The following TRIQK variants were observed in gnomAD, a reference collection of about 807,000 sequenced individuals.
TRIQK encodes the protein triple QxxK/R motif containing, also known as triple QxxK/R motif-containing protein.
A neutral mutation model predicts 10.8 loss-of-function variants in TRIQK; 10 were observed. That is an observed-to-expected ratio of 0.92 (90% CI 0.57 to 1.57). The LOEUF (loss-of-function observed/expected upper bound fraction) is 1.57. TRIQK is among the 40% of genes most tolerant of loss of function. TRIQK has a pLI of 0.00. For missense variants in TRIQK, 107 were observed against 97.7 expected (o/e 1.09, Z -0.40); for synonymous variants, 33 against 33.7 (o/e 0.98, Z 0.07).
At chr8:92,956,779 G>A (rs1812193785) in intron 1 of TRIQK, among the ~76,000 whole-genome samples, 1 of 151,664 alleles carries the variant, frequency 6.6e-6, no homozygotes, top group Non-Finnish European at 1.5e-5. Flanking sequence ...TTTCAAGTCT[G>A]TTTTTTGTCT....
chr8:92,940,675 T>C (rs1335285778), intron 2 of TRIQK, among the ~76,000 whole-genome samples: 1 of 152,128 alleles, frequency 6.6e-6, no homozygotes, highest in Admixed American at 6.6e-5. Flanking sequence ...AACACAATAA[T>C]AGCACAGGAC....
rs117793919 is a variant in TRIQK, at chr8:92,904,019, A to G, written c.62-11945T>C. ...AAGATTTCATTTGAGCCTATACTCA[A>G]ATGAAGTTAGCAAAGAAGCCATGTG... On this transcript the variant is annotated intron_variant, in intron 3 of 4. Transcript: ENST00000521988. Among the ~76,000 whole-genome samples the G allele has an allele frequency of 4.1e-3, 620 of 152,246 alleles. 3 individuals carry two copies. Among genetic ancestry groups the G allele is most frequent in the Middle Eastern group, 0.01 (3 of 292 alleles).
At chr8:92,972,806 G>T (rs1812888418) in intron 1 of TRIQK, 1 of 152,270 alleles carries the variant, frequency 6.6e-6, no homozygotes, top group Admixed American at 6.5e-5. Context: ...CACGGTATGA[G>T]AACTGTACAG....
intron 3 of TRIQK, among the ~76,000 whole-genome samples, chr8:92,906,688 G>C (rs186419974): frequency 3.5e-5 from 5 of 141,278 alleles, no homozygotes; most frequent in African/African-American, 1.3e-4. Flanking sequence ...AGAATAAAGG[G>C]AAGACTGCTA....
chr8:92,961,040 T>C (rs1367346141), intron 1 of TRIQK, among the ~76,000 whole-genome samples: 6 of 152,206 alleles, frequency 3.9e-5, no homozygotes, highest in East Asian at 1.9e-4. Context: ...CTTGAATGTG[T>C]TGGACGGCAA....
At chr8:92,956,450 T>G (rs1295180876) in intron 1 of TRIQK, among the ~76,000 whole-genome samples, 1 of 151,714 alleles carries the variant, frequency 6.6e-6, no homozygotes, top group Non-Finnish European at 1.5e-5. Context: ...ATGAAAATAT[T>G]CTGAAATTAG....
intron 3 of TRIQK, among the ~76,000 whole-genome samples, chr8:92,908,587 C>A (rs1809402420): frequency 6.6e-6 from 1 of 152,012 alleles, no homozygotes. Context: ...AAAGTAAATT[C>A]AGTGCTTTAA....
At chr8:92,898,288 A>G (rs1292912490) in intron 3 of TRIQK, among the ~76,000 whole-genome samples, 8 of 152,144 alleles carry the variant, frequency 5.3e-5, no homozygotes, top group East Asian at 1.9e-4. Flanking sequence ...GGGGCTTTGC[A>G]TATCTCCAAA....
At chr8:93,007,594 C>A (rs1813287422) in intron 1 of TRIQK, among the ~76,000 whole-genome samples, 1 of 152,178 alleles carries the variant, frequency 6.6e-6, no homozygotes. Flanking sequence ...GTTAAAGGAG[C>A]ATGTTCTAAC....
rs551041430 is a variant in TRIQK, at chr8:92,894,597, C to G, written c.62-2523G>C. The stretch of plus-strand genomic sequence containing the variant: ...ATTAAATCTTATGTGGAGAGAAAAA[C>G]TTGGTAATTCAAGCCTATGAAGCCA... On this transcript the variant is annotated intron_variant, in intron 3 of 4. Transcript: ENST00000521988. Among the ~76,000 whole-genome samples, 4 of 152,144 alleles carry G rather than the reference C, an allele frequency of 2.6e-5. 1 individual carries two copies. The South Asian group carries it at 8.3e-4, about 32-fold the overall frequency.
At chr8:92,974,778 G>C (rs1253221979) in intron 1 of TRIQK, 1 of 152,218 alleles carries the variant, frequency 6.6e-6, no homozygotes, top group Non-Finnish European at 1.5e-5. Flanking sequence ...AAAGCAACTA[G>C]CCCAGTCTTC....
chr8:92,907,090 C>G (rs996519779), intron 3 of TRIQK, among the ~76,000 whole-genome samples: 1 of 151,948 alleles, frequency 6.6e-6, no homozygotes, highest in Non-Finnish European at 1.5e-5. Context: ...TTCATTGATT[C>G]CAAAAAATAA....
At chr8:92,952,750 T>C (rs1161631738) in intron 2 of TRIQK, among the ~76,000 whole-genome samples, 1 of 152,062 alleles carries the variant, frequency 6.6e-6, no homozygotes, top group African/African-American at 2.4e-5. Context: ...AACTCATTAA[T>C]CTTACAATTC....
At chr8:92,980,446 GAGTT>G (rs1812975481) in intron 1 of TRIQK, among the ~76,000 whole-genome samples, 1 of 151,926 alleles carries the variant, frequency 6.6e-6, no homozygotes. Flanking sequence ...TTCATAAAAT[GAGTT>G]AGGTAGCTTC....
chr8:93,010,027 A>C (rs1405291948), intron 1 of TRIQK, among the ~76,000 whole-genome samples: 1 of 152,194 alleles, frequency 6.6e-6, no homozygotes, highest in Non-Finnish European at 1.5e-5. Flanking sequence ...TAGAAAGAGA[A>C]ATACCATATA....
At chr8:92,984,687 C>T (rs1404949958) in intron 1 of TRIQK, among the ~76,000 whole-genome samples, 2 of 152,006 alleles carry the variant, frequency 1.3e-5, no homozygotes, top group African/African-American at 4.8e-5. Context: ...TAAATGGAAA[C>T]TTAAGATAAA....
At chr8:92,912,360 A>G (rs1170718961) in intron 3 of TRIQK, among the ~76,000 whole-genome samples, 2 of 151,898 alleles carry the variant, frequency 1.3e-5, no homozygotes, top group African/African-American at 4.8e-5. Flanking sequence ...AAATAAGAAA[A>G]TGTTTTGAAA....
intron 4 of TRIQK, among the ~76,000 whole-genome samples, chr8:92,890,242 T>C (rs16915336): frequency 0.15 from 23,102 of 151,602 alleles, 2,080 homozygotes; most frequent in Middle Eastern, 0.2. Context: ...AAGGTTCTGA[T>C]TCTAAAAAGT....
At chr8:92,995,913 A>G (rs1813149958) in intron 1 of TRIQK, among the ~76,000 whole-genome samples, 2 of 152,044 alleles carry the variant, frequency 1.3e-5, no homozygotes, top group African/African-American at 4.8e-5. Context: ...TTCCCGGGAT[A>G]GTCATGTGAC....
Sources: allele counts gnomAD v4.1 joint callset (sites outside exome capture counted in the v4.1 genomes callset), GRCh38; gene constraint gnomAD v4.1.1; transcripts MANE v1.5; gene names NCBI Gene and HGNC (gene_info 2026-07-23, HGNC 2026-07-21).